LDLRAD4: variants seen among roughly 807,000 people sequenced by gnomAD.
LDLRAD4 encodes low-density lipoprotein receptor class A domain-containing protein 4.
LDLRAD4 carries 5 observed loss-of-function variants against 17.0 expected under a neutral mutation model. That is an observed-to-expected ratio of 0.29 (90% CI 0.15 to 0.62). The LOEUF is 0.62. Among genes scored for constraint, LDLRAD4 ranks in the 20% least tolerant of loss-of-function variants. LDLRAD4 has a pLI of 0.84. For missense variants in LDLRAD4, 340 were observed against 424.7 expected, an observed-to-expected ratio of 0.80 and a Z score of 1.75; for synonymous variants, 168 against 171.8, an observed-to-expected ratio of 0.98 and a Z score of 0.17.
intron 1 of LDLRAD4, among the ~76,000 whole-genome samples, chr18:13,383,249 G>A (rs974556553): frequency 2.6e-5 from 4 of 152,196 alleles, no homozygotes; most frequent in African/African-American, 9.7e-5. Flanking sequence ...CAGGAAATAC[G>A]TATTTACTGG....
chr18:13,283,009 G>T (rs530699519), intron 1 of LDLRAD4, among the ~76,000 whole-genome samples: 1 of 152,210 alleles, frequency 6.6e-6, no homozygotes, highest in Non-Finnish European at 1.5e-5. Flanking sequence ...GTCACAGCCT[G>T]AACTGTATGT....
chr18:13,348,234 A>G (rs7229983), intron 1 of LDLRAD4, among the ~76,000 whole-genome samples: 65,615 of 151,920 alleles, frequency 0.43, 15,091 homozygotes, highest in African/African-American at 0.61. Flanking sequence ...TGATGGTGAC[A>G]TACAAATGGG....
intron 1 of LDLRAD4, among the ~76,000 whole-genome samples, chr18:13,318,271 T>C (rs893910424): frequency 2.0e-5 from 3 of 152,112 alleles, no homozygotes; most frequent in African/African-American, 7.2e-5. Context: ...TGAAATCTTT[T>C]TTTTTTTTGA....
chr18:13,261,780 A>G (rs912375591), intron 1 of LDLRAD4, among the ~76,000 whole-genome samples: 1 of 152,198 alleles, frequency 6.6e-6, no homozygotes, highest in African/African-American at 2.4e-5. Context: ...TGCAGGCAGC[A>G]TGCCACCTGT....
chr18:13,319,959 C>T (rs1313411682), intron 1 of LDLRAD4, among the ~76,000 whole-genome samples: 1 of 152,054 alleles, frequency 6.6e-6, no homozygotes, highest in African/African-American at 2.4e-5. Flanking sequence ...CTGATATACC[C>T]AAGGGAAGAA....
intron 1 of LDLRAD4, among the ~76,000 whole-genome samples, chr18:13,379,432 G>C (rs2085174085): frequency 6.6e-6 from 1 of 152,230 alleles, no homozygotes; most frequent in African/African-American, 2.4e-5. Context: ...TTGGGTACCT[G>C]CTGTATTCTA....
At chr18:13,604,752 A>G (rs1457727606) in intron 3 of LDLRAD4, among the ~76,000 whole-genome samples, 1 of 152,232 alleles carries the variant, frequency 6.6e-6, no homozygotes, top group Non-Finnish European at 1.5e-5. Flanking sequence ...GTGTTTTTCT[A>G]TAGGAAAAAC....
At chr18:13,514,904 G>T (rs1344152980) in intron 3 of LDLRAD4, 1 of 152,244 alleles carries the variant, frequency 6.6e-6, no homozygotes, top group African/African-American at 2.4e-5. Context: ...GCCATTGACA[G>T]AGGCTCTTTC....
At chr18:13,498,371 G>A (rs1410270815) in intron 3 of LDLRAD4, among the ~76,000 whole-genome samples, 1 of 138,624 alleles carries the variant, frequency 7.2e-6, no homozygotes, top group African/African-American at 2.8e-5. Context: ...TCCCGCCGTG[G>A]ACACTGGAGA....
chr18:13,426,986 C>T (rs1334233785), intron 2 of LDLRAD4, among the ~76,000 whole-genome samples: 1 of 152,000 alleles, frequency 6.6e-6, no homozygotes, highest in African/African-American at 2.4e-5. Flanking sequence ...CAGATTGAGA[C>T]CATCCTGGCC....
At chr18:13,452,991 G>T (rs2091924961) in intron 3 of LDLRAD4, among the ~76,000 whole-genome samples, 1 of 148,998 alleles carries the variant, frequency 6.7e-6, no homozygotes, top group African/African-American at 2.5e-5. Context: ...AAATGACCAG[G>T]GAGAGAAAGG....
chr18:13,650,410 T>TAGAG (rs2043194363), exon 6 of LDLRAD4: 1 of 398,760 alleles, frequency 2.5e-6, no homozygotes, highest in South Asian at 1.3e-4. Flanking sequence ...GTTAGAGCTA[T>TAGAG]AGAGATTATA....
chr18:13,347,245 G>A (rs561881002), intron 1 of LDLRAD4, among the ~76,000 whole-genome samples: 20 of 152,280 alleles, frequency 1.3e-4, no homozygotes, highest in Non-Finnish European at 2.4e-4. Flanking sequence ...CTTTCTTCAG[G>A]AGCTCTTGTA....
chr18:13,291,166 C>T (rs975926316), intron 1 of LDLRAD4, among the ~76,000 whole-genome samples: 2 of 152,174 alleles, frequency 1.3e-5, no homozygotes, highest in African/African-American at 4.8e-5. Context: ...CACATCCACG[C>T]CGCCTCTCCT....
chr18:13,573,208 G>A (rs779996968), intron 3 of LDLRAD4, among the ~76,000 whole-genome samples: 12 of 152,194 alleles, frequency 7.9e-5, no homozygotes, highest in Admixed American at 2.6e-4. Flanking sequence ...GGGTTGAAGC[G>A]ATTCTTTTGC....
intron 3 of LDLRAD4, among the ~76,000 whole-genome samples, chr18:13,504,620 G>T (rs1033776889): frequency 6.6e-6 from 1 of 152,080 alleles, no homozygotes; most frequent in South Asian, 2.1e-4. Context: ...TAGAGATGGG[G>T]TTTCACTATG....
intron 1 of LDLRAD4, among the ~76,000 whole-genome samples, chr18:13,325,490 C>G (rs983811257): frequency 1.3e-5 from 2 of 152,220 alleles, no homozygotes; most frequent in African/African-American, 2.4e-5. Flanking sequence ...CCTCGCTGCC[C>G]GGCCTGACTC....
intron 1 of LDLRAD4, among the ~76,000 whole-genome samples, chr18:13,243,844 C>T (rs2042805430): frequency 1.3e-5 from 2 of 150,702 alleles, no homozygotes; most frequent in East Asian, 4.0e-4. Context: ...ATCTATCCAC[C>T]ATGTACTCAC....
In LDLRAD4 at chr18:13,219,494, A is replaced by G. The variant is rs142997876; in HGVS notation, c.-467+506A>G. ...GGACCAGCGCTGCTTTCTAAATGTTAATTACCATTGCAATACATATTTATT... is the reference window on the plus strand; with the variant it reads ...GGACCAGCGCTGCTTTCTAAATGTTGATTACCATTGCAATACATATTTATT... On this transcript the variant is annotated intron_variant, in intron 1 of 5. Coordinates refer to the LDLRAD4 transcript ENST00000399848. Among the ~76,000 whole-genome samples, 93 of 152,160 alleles carry G rather than the reference A, an allele frequency of 6.1e-4. 2 individuals are homozygous for G. In the East Asian group the frequency reaches 0.018, roughly 29 times the overall value.
Sources: gnomAD v4.1 joint callset for allele counts (sites outside exome capture counted in the v4.1 genomes callset) on GRCh38, gnomAD v4.1.1 for gene constraint, MANE v1.5 for transcripts, NCBI Gene and HGNC (gene_info 2026-07-23, HGNC 2026-07-21) for gene names.